Variants in PITPNC1 observed in about 807,000 individuals in gnomAD.
PITPNC1 encodes the protein phosphatidylinositol transfer protein cytoplasmic 1.
A neutral mutation model predicts 44.7 loss-of-function variants in PITPNC1; 18 were observed. The ratio of observed to expected loss-of-function variants is 0.40; its 90% CI spans 0.28 to 0.60. PITPNC1 has a LOEUF of 0.60. Ranked by LOEUF, PITPNC1 falls within the 20% of genes least tolerant of loss-of-function variation. The probability of loss-of-function intolerance (pLI) is 0.39; values close to 1 mark genes in which losing one functional copy is unlikely to be tolerated. For synonymous variants in PITPNC1, 141 were observed against 149.6 expected (o/e 0.94, Z 0.42); for missense variants, 290 against 418.4 (o/e 0.69, Z 2.68).
intron 5 of PITPNC1, among the ~76,000 whole-genome samples, chr17:67,603,954 A>C (rs1470498292): frequency 1.3e-5 from 2 of 152,046 alleles, no homozygotes; most frequent in African/African-American, 2.4e-5. Context: ...AAAAAAAAAA[A>C]AAAACTGTAC....
intron 1 of PITPNC1, among the ~76,000 whole-genome samples, chr17:67,523,159 T>TACGAA (rs2040349760): frequency 6.6e-6 from 1 of 152,214 alleles, no homozygotes; most frequent in Admixed American, 6.5e-5. Context: ...CTCTACGAAC[T>TACGAA]TGACACTTCT....
At chr17:67,465,870 G>T (rs1163815964) in intron 1 of PITPNC1, among the ~76,000 whole-genome samples, 1 of 152,032 alleles carries the variant, frequency 6.6e-6, no homozygotes, top group Non-Finnish European at 1.5e-5. Context: ...ATGATGTATG[G>T]GATGGGGGCT....
chr17:67,576,331 A>G (rs2041149511), intron 4 of PITPNC1, among the ~76,000 whole-genome samples: 1 of 152,018 alleles, frequency 6.6e-6, no homozygotes, highest in African/African-American at 2.4e-5. Flanking sequence ...CTGCACCTCC[A>G]TCTCCTCATC....
chr17:67,394,214 G>C (rs2038181169), intron 1 of PITPNC1, among the ~76,000 whole-genome samples: 1 of 152,076 alleles, frequency 6.6e-6, no homozygotes, highest in Admixed American at 6.6e-5. Context: ...TCACAGAAGA[G>C]ATGAGGGTCT....
chr17:67,677,758 G>A lies in PITPNC1; in HGVS notation c.682+2216G>A, dbSNP rs186857134. Among the ~76,000 whole-genome samples the A allele has an allele frequency of 4.0e-3, 614 of 151,942 alleles. 5 individuals carry two copies. The highest frequency in any genetic ancestry group is 5.4e-3 in the Non-Finnish European group (364 of 67,932). The stretch of plus-strand genomic sequence containing the variant: ...TAATTTTTTTTGTCTTTTTAGTAGA[G>A]ATGGGGTTTTACTATGCTGGCCAGG... On this transcript the variant is annotated intron_variant, in intron 8 of 8. Coordinates refer to ENST00000581322, the MANE Select transcript of PITPNC1 (RefSeq NM_012417.4).
intron 2 of PITPNC1, among the ~76,000 whole-genome samples, chr17:67,534,133 G>A (rs191908526): frequency 0.015 from 2,284 of 151,974 alleles, 64 homozygotes; most frequent in South Asian, 0.057. Flanking sequence ...GACCTCAAGT[G>A]ATCTGCCTGC....
intron 1 of PITPNC1, among the ~76,000 whole-genome samples, chr17:67,456,464 GCTTT>G (rs1192783220): frequency 2.0e-5 from 3 of 152,040 alleles, no homozygotes; most frequent in African/African-American, 4.8e-5. Context: ...CTTATTTCAT[GCTTT>G]CTATTTCCCA....
At chr17:67,392,679 G>A (rs574004617) in intron 1 of PITPNC1, among the ~76,000 whole-genome samples, 1 of 152,254 alleles carries the variant, frequency 6.6e-6, no homozygotes, top group African/African-American at 2.4e-5. Flanking sequence ...AGATTCCCCA[G>A]GGGAGAGTCA....
intron 1 of PITPNC1, among the ~76,000 whole-genome samples, chr17:67,498,006 A>G (rs890291192): frequency 6.6e-6 from 1 of 151,638 alleles, no homozygotes; most frequent in Non-Finnish European, 1.5e-5. Context: ...GACCACAGGC[A>G]TGCGCCACCA....
intron 1 of PITPNC1, among the ~76,000 whole-genome samples, chr17:67,420,642 G>C (rs2038659722): frequency 6.6e-6 from 1 of 152,028 alleles, no homozygotes; most frequent in Non-Finnish European, 1.5e-5. Context: ...ATGTTGGCCA[G>C]GCTGGTCTTG....
At chr17:67,472,429 C>T (rs967013023) in intron 1 of PITPNC1, among the ~76,000 whole-genome samples, 1 of 147,530 alleles carries the variant, frequency 6.8e-6, no homozygotes, top group East Asian at 2.0e-4. Flanking sequence ...GGGTGGGTCA[C>T]GAGGTCAGGA....
chr17:67,671,012 G>A (rs1050669033), intron 7 of PITPNC1, among the ~76,000 whole-genome samples: 2 of 152,054 alleles, frequency 1.3e-5, no homozygotes, highest in African/African-American at 4.8e-5. Context: ...CTCCCGAGTA[G>A]CTGGGACTAC....
chr17:67,596,942 G>T (rs144430639), intron 5 of PITPNC1, among the ~76,000 whole-genome samples: 1 of 151,452 alleles, frequency 6.6e-6, no homozygotes, highest in African/African-American at 2.4e-5. Context: ...CACCCAGGCC[G>T]TAGAGCAGTG....
intron 5 of PITPNC1, among the ~76,000 whole-genome samples, chr17:67,585,118 GA>G (rs397857902): frequency 0.17 from 14,057 of 82,020 alleles, 771 homozygotes; most frequent in East Asian, 0.37. Context: ...CTCCATCTCA[GA>G]AAAAAAAAAA....
intron 1 of PITPNC1, among the ~76,000 whole-genome samples, chr17:67,480,483 A>C (rs996089374): frequency 3.3e-5 from 5 of 152,220 alleles, no homozygotes; most frequent in African/African-American, 9.6e-5. Context: ...TGGTTAGATA[A>C]ATTCTGGTAG....
intron 1 of PITPNC1, 107 bp from the exon 2 acceptor site, chr17:67,532,695 C>A: frequency 2.4e-6 from 2 of 841,626 alleles, no homozygotes; most frequent in Non-Finnish European, 3.7e-6. Flanking sequence ...CTTCTCTTCT[C>A]AGCAGAAGGT....
chr17:67,613,317 GAATATGTCT>G (rs2041713338), intron 5 of PITPNC1: 1 of 152,164 alleles, frequency 6.6e-6, no homozygotes, highest in South Asian at 2.1e-4. Flanking sequence ...TGTTAACTTC[GAATATGTCT>G]AATAGTCAGT....
chr17:67,391,633 G>A (rs990357308), intron 1 of PITPNC1, among the ~76,000 whole-genome samples: 2 of 152,006 alleles, frequency 1.3e-5, no homozygotes, highest in African/African-American at 2.4e-5. Context: ...GGTACCCACC[G>A]CCACGCCCGG....
chr17:67,681,963 C>T (rs1004767319), intron 8 of PITPNC1, among the ~76,000 whole-genome samples: 1 of 152,026 alleles, frequency 6.6e-6, no homozygotes, highest in African/African-American at 2.4e-5. Context: ...TTTGGGAGAC[C>T]GAGGCAGGCA....
Sources: allele counts gnomAD v4.1 joint callset (sites outside exome capture counted in the v4.1 genomes callset), GRCh38; gene constraint gnomAD v4.1.1; transcripts MANE v1.5; gene names NCBI Gene and HGNC (gene_info 2026-07-23, HGNC 2026-07-21).